SP2: variants seen among roughly 807,000 people sequenced by gnomAD.
The protein encoded by SP2 is Sp2 transcription factor.
SP2 carries 9 observed loss-of-function variants against 50.1 expected under a neutral mutation model. That is an observed-to-expected ratio of 0.18 (90% CI 0.11 to 0.31). The LOEUF is 0.31. Ranked by LOEUF, SP2 falls within the 10% of genes least tolerant of loss-of-function variation. The pLI, the probability that SP2 is intolerant of heterozygous loss-of-function variation, is 1.00. For synonymous variants in SP2, 313 were observed against 326.6 expected (o/e 0.96, Z 0.45); for missense variants, 581 against 806.5 (o/e 0.72, Z 3.39).
At chr17:47,923,835 G>A (rs1247969258) in intron 4 of SP2, among the ~76,000 whole-genome samples, 1 of 151,964 alleles carries the variant, frequency 6.6e-6, no homozygotes, top group Non-Finnish European at 1.5e-5. Flanking sequence ...CCGAGTAGCT[G>A]GGATTATAGA....
intron 1 of SP2, among the ~76,000 whole-genome samples, chr17:47,908,005 C>G (rs1242547259): frequency 6.6e-6 from 1 of 152,094 alleles, no homozygotes; most frequent in Non-Finnish European, 1.5e-5. Context: ...TTTGGTTGCC[C>G]AGGTCTGCAG....
In SP2 at chr17:47,916,989, C is replaced by T. The variant is rs752106750; in HGVS notation, c.918C>T (p.Pro306=). Residue 306 remains proline (P), a synonymous_variant, in exon 3 of 7, where the codon CCC becomes CCT. Transcript: ENST00000376741. This position sits in a 1 kb window ranked among gnomAD's most constrained non-coding sequence, Gnocchi z 4.7. ...AVVQQVQVVP[P]KAEQQQVVQI... ...TCCAGCAGGTCCAGGTGGTGCCCCC[C>T]AAGGCCGAGCAGCAGCAGGTGGTAC... 2 of 1,614,182 alleles carry T rather than the reference C, an allele frequency of 1.2e-6. No individual in the cohort carries two copies. Among genetic ancestry groups the T allele is most frequent in the Non-Finnish European group, 1.7e-6 (2 of 1,180,014 alleles).
Position 47,916,970 on chromosome 17 carries a change from A to G in SP2, c.899A>G (p.Gln300Arg). 6.2e-7 allele frequency: 1 copy of G among 1,614,178 alleles called. No individual in the cohort carries two copies. The highest frequency in any genetic ancestry group is 8.5e-7 in the Non-Finnish European group (1 of 1,180,010). Reference protein sequence around the residue: ...PGGGQPAVVQQVQVVPPKAEQ... With the variant: ...PGGGQPAVVQRVQVVPPKAEQ... ...GGGGGCCAGCCAGCTGTGGTCCAGCAGGTCCAGGTGGTGCCCCCCAAGGCC... is the reference window on the plus strand; with the variant it reads ...GGGGGCCAGCCAGCTGTGGTCCAGCGGGTCCAGGTGGTGCCCCCCAAGGCC... Residue 300 changes from glutamine (Q) to arginine (R), a missense_variant, in exon 3 of 7, where the codon CAG (glutamine) becomes CGG (arginine). By Grantham distance (43) the Gln-to-Arg change is conservative. This residue lies in a region of SP2 where 397 missense variants were observed against 491.0 expected (regional missense o/e 0.81). Coordinates refer to ENST00000376741, the MANE Select transcript of SP2 (RefSeq NM_003110.6). The surrounding 1 kb of genome is among the most constrained non-coding windows in gnomAD (Gnocchi z 4.7).
chr17:47,923,286 C>T lies in SP2; in HGVS notation c.1372+12C>T, dbSNP rs2035529254. 6.3e-7 allele frequency: 1 copy of T among 1,591,612 alleles called. No homozygotes were observed. Among genetic ancestry groups the T allele is most frequent in the Admixed American group, 1.7e-5 (1 of 59,504 alleles). Reference sequence around the variant, plus strand: ...CACCAACACAGGCGGTGAGGATGGCCCCTGTGGCCAGGGTGTTGGCAGTGG... The same window carrying T: ...CACCAACACAGGCGGTGAGGATGGCTCCTGTGGCCAGGGTGTTGGCAGTGG... On this transcript the variant is annotated intron_variant, in intron 4 of 6. Transcript: ENST00000376741.
chr17:47,927,354 C>T (rs1273092325), intron 6 of SP2, among the ~76,000 whole-genome samples: 1 of 151,752 alleles, frequency 6.6e-6, no homozygotes, highest in Non-Finnish European at 1.5e-5. Flanking sequence ...GACAACATGG[C>T]GAAACCCTGT....
rs559909633 is a variant in SP2 at position 47,928,835 on chromosome 17, G to T, written c.*1011G>T. On this transcript the variant is annotated 3_prime_UTR_variant, in exon 7 of 7. Coordinates refer to ENST00000376741, the MANE Select transcript of SP2 (RefSeq NM_003110.6). ...TTATTTTTAGTTGTAACTGCTTGAG[G>T]TATGTTTTATGAATTAAGTGACAGA... 1 of 152,734 alleles carries T rather than the reference G, an allele frequency of 6.5e-6. No individual in the cohort carries two copies. The highest frequency in any genetic ancestry group is 2.4e-5 in the African/African-American group (1 of 41,584). The allele number at this position is 152,734 out of a possible 1,614,324, so 9.5% of individuals were successfully genotyped here. A position where few individuals can be genotyped will look rare whatever the true frequency, so the allele number is the denominator to read the frequency against.
chr17:47,922,906 G>T (rs559551268), intron 3 of SP2, 56 bp from the exon 4 acceptor site: 41 of 1,495,750 alleles, frequency 2.7e-5, no homozygotes, highest in Non-Finnish European at 3.3e-5. Context: ...ACATTTGAAG[G>T]CCCCAGGAAC....
chr17:47,925,555 C>G lies in SP2; in HGVS notation c.1741+14C>G. The G allele has an allele frequency of 3.1e-6, 5 of 1,604,436 alleles. No individual in the cohort carries two copies. Among genetic ancestry groups the G allele is most frequent in the Non-Finnish European group, 4.3e-6 (5 of 1,173,216 alleles). The stretch of plus-strand genomic sequence containing the variant: ...GCACCCACACAGGTCAGCCCCCTGC[C>G]TTCGGGACCCTCCACCCACAGAGGT... On this transcript the variant is annotated intron_variant, in intron 6 of 6. Transcript: ENST00000376741.
rs2144065030 is a variant in SP2, at chr17:47,924,279, G to A, written c.1373-640G>A. 2.6e-5 allele frequency among the ~76,000 whole-genome samples: 4 copies of A among 152,100 alleles called. No homozygotes were observed. In the Middle Eastern group the frequency reaches 0.014, roughly 517 times the overall value. ...TCTTCCTGAGTAGCTGGGACTACAG[G>A]CATGTAGCACCATGCCCGGCCAATT... On this transcript the variant is annotated intron_variant, in intron 4 of 6. Transcript: ENST00000376741.
Position 47,916,814 on chromosome 17 carries a change from G to A in SP2, c.743G>A (p.Arg248Lys), listed in dbSNP as rs371001586. 7 of 1,614,032 alleles carry A rather than the reference G, an allele frequency of 4.3e-6. No individual in the cohort carries two copies. The African/African-American group carries it at 9.3e-5, about 22-fold the overall frequency. ...CTGTCTAAGACTAACAAGAAAGCAA[G>A]GAAGAAGAGCCTTCCTGCCTCCCAG... is the stretch of plus-strand genomic sequence containing the variant. Reference protein sequence around the residue: ...TPLSKTNKKARKKSLPASQPP... With the variant: ...TPLSKTNKKAKKKSLPASQPP... The change falls in exon 3 of 7, where the codon AGG becomes AAG. Residue 248 changes from arginine to lysine, a missense_variant. Coordinates refer to ENST00000376741, the MANE Select transcript of SP2 (RefSeq NM_003110.6). This position sits in a 1 kb window ranked among gnomAD's most constrained non-coding sequence, Gnocchi z 4.7.
At chr17:47,909,093 T>G (rs1269916542) in intron 1 of SP2, among the ~76,000 whole-genome samples, 3 of 152,232 alleles carry the variant, frequency 2.0e-5, no homozygotes, top group Non-Finnish European at 4.4e-5. Flanking sequence ...GTCCCCACTC[T>G]GGCACCCTGA....
downstream of SP2, among the ~76,000 whole-genome samples, chr17:47,930,788 C>G (rs2035802836): frequency 6.6e-6 from 1 of 152,014 alleles, no homozygotes; most frequent in African/African-American, 2.4e-5. Context: ...TGTGTAGTTC[C>G]TCCTCTGTCC....
intron 1 of SP2, chr17:47,900,323 T>C (rs578253237): frequency 1.3e-5 from 2 of 152,356 alleles, no homozygotes; most frequent in African/African-American, 4.8e-5. Flanking sequence ...GGCCATGTAA[T>C]TGGAAGTGGA....
chr17:47,926,504 G>A (rs2144093055), intron 6 of SP2, among the ~76,000 whole-genome samples: 1 of 152,008 alleles, frequency 6.6e-6, no homozygotes, highest in Non-Finnish European at 1.5e-5. Flanking sequence ...TAGAGACAGG[G>A]TCTTACTGTG....
intron 1 of SP2, chr17:47,897,208 T>G (rs999167318): frequency 7.9e-5 from 12 of 152,282 alleles, no homozygotes; most frequent in Non-Finnish European, 1.8e-4. Flanking sequence ...TATCCATGCT[T>G]CTTATGTTTC....
In SP2 at chr17:47,927,744, G is replaced by A. The variant is rs760358577; in HGVS notation, c.1762G>A (p.Ala588Thr). ...CCCAGGGGACAAACGCTTCGAGTGCGCCCAGTGTCAGAAGCGCTTCATGAG... is the reference window on the plus strand; with the variant it reads ...CCCAGGGGACAAACGCTTCGAGTGCACCCAGTGTCAGAAGCGCTTCATGAG... ...THTGDKRFEC[A>T]QCQKRFMRSD... is the part of the protein sequence containing the mutation. The change falls in exon 7 of 7, where the codon GCC becomes ACC. Residue 588 changes from alanine to threonine, a missense_variant. Coordinates refer to ENST00000376741, the MANE Select transcript of SP2 (RefSeq NM_003110.6). The A allele has an allele frequency of 3.6e-5, 57 of 1,589,550 alleles. No individual in the cohort carries two copies. The highest frequency in any genetic ancestry group is 4.2e-5 in the Non-Finnish European group (49 of 1,167,406).
At chr17:47,906,127 AAG>A (rs1215314407) in intron 1 of SP2, among the ~76,000 whole-genome samples, 1 of 152,204 alleles carries the variant, frequency 6.6e-6, no homozygotes, top group Non-Finnish European at 1.5e-5. Flanking sequence ...GAGGCTGACT[AAG>A]GGGGAGGCCA....
chr17:47,928,197 C>T lies in SP2; in HGVS notation c.*373C>T, dbSNP rs547687261. The T allele has an allele frequency of 3.1e-4, 57 of 184,124 alleles. No homozygotes were observed. In the South Asian group the frequency reaches 3.4e-3, roughly 11 times the overall value. 11.4% of individuals were successfully genotyped at this position (184,124 alleles called of 1,614,324 possible). A position where few individuals can be genotyped will look rare whatever the true frequency, so the allele number is the denominator to read the frequency against. ...CCCCGATCCCCGCTCCCAACACTGCCGGAGTCGCGTCATGCCATGCCCCCT... is the reference window on the plus strand; with the variant it reads ...CCCCGATCCCCGCTCCCAACACTGCTGGAGTCGCGTCATGCCATGCCCCCT... On this transcript the variant is annotated 3_prime_UTR_variant, in exon 7 of 7. Transcript: ENST00000376741.
chr17:47,919,651 A>G (rs2035355821), intron 3 of SP2, among the ~76,000 whole-genome samples: 1 of 152,002 alleles, frequency 6.6e-6, no homozygotes, highest in Non-Finnish European at 1.5e-5. Context: ...TTACCACAAT[A>G]CAATCGTCAA....
Sources: gnomAD v4.1 joint callset for allele counts (sites outside exome capture counted in the v4.1 genomes callset) on GRCh38, gnomAD v4.1.1 for gene constraint, gnomAD v4.1.1 regional missense constraint, Gnocchi (gnomAD v3.1) non-coding constraint, MANE v1.5 for transcripts, NCBI Gene and HGNC (gene_info 2026-07-23, HGNC 2026-07-21) for gene names.